RIC3: variants seen among roughly 807,000 people sequenced by gnomAD.
RIC3 encodes RIC3 acetylcholine receptor chaperone.
A neutral mutation model predicts 27.3 loss-of-function variants in RIC3; 28 were observed. The observed-to-expected ratio is 1.02, with a 90% CI of 0.76 to 1.41. The LOEUF (loss-of-function observed/expected upper bound fraction) is 1.41, where lower values mean the gene tolerates loss of function less well. Ranked by LOEUF, RIC3 falls within the 40% of genes most tolerant of loss-of-function variation. The pLI, the probability that RIC3 is intolerant of heterozygous loss-of-function variation, is 0.00. For missense variants in RIC3, 501 were observed against 444.7 expected, an observed-to-expected ratio of 1.13 and a Z score of -1.14; for synonymous variants, 184 against 160.4, an observed-to-expected ratio of 1.15 and a Z score of -1.11.
chr11:8,128,750 CTTTTTTTTT>C (rs1177448703), intron 4 of RIC3, among the ~76,000 whole-genome samples: 8 of 88,502 alleles, frequency 9.0e-5, no homozygotes, highest in Non-Finnish European at 2.1e-5. Context: ...GTTGCAAAAA[CTTTTTTTTT>C]TTTTTTTTTT....
At chr11:8,095,277 T>C in the RIC3 span, among the ~76,000 whole-genome samples, 1 of 152,160 alleles carries the variant, frequency 6.6e-6, no homozygotes. Flanking sequence ...CCTCGGCAAT[T>C]AATTTGGGGG....
At chr11:8,124,654 G>A (rs569964378) in intron 5 of RIC3, among the ~76,000 whole-genome samples, 45 of 152,266 alleles carry the variant, frequency 3.0e-4, no homozygotes, top group Non-Finnish European at 4.3e-4. Context: ...AATAAGGACC[G>A]TGTGCTATTG....
At position 8,110,868 on chromosome 11, in the gene RIC3, C is replaced by T. The variant is rs771105642; in HGVS notation, c.940G>A (p.Ala314Thr). The T allele has an allele frequency of 2.5e-6, 4 of 1,614,222 alleles. No individual in the cohort carries two copies. Among genetic ancestry groups the T allele is most frequent in the Non-Finnish European group, 3.4e-6 (4 of 1,180,042 alleles). Reference protein sequence around the residue: ...SCCFHEDEDPAVLAENAGFSA... With the variant: ...SCCFHEDEDPTVLAENAGFSA... ...AATCCAGCATTCTCTGCCAAGACAG[C>T]AGGATCCTCGTCTTCATGAAAACAG... The change falls in exon 6 of 6, where the codon GCT becomes ACT. Residue 314 changes from alanine (A) to threonine (T), a missense_variant. Coordinates refer to ENST00000309737, the MANE Select transcript of RIC3 (RefSeq NM_001206671.4).
In RIC3 at chr11:8,140,049, C is replaced by T. The variant is rs755501731; in HGVS notation, c.269G>A (p.Gly90Asp). The change falls in exon 2 of 6, where the codon GGT becomes GAT. Residue 90 changes from glycine (G) to aspartate (D), a missense_variant. By Grantham distance (94) the Gly-to-Asp change is moderately conservative. Coordinates refer to ENST00000309737, the MANE Select transcript of RIC3 (RefSeq NM_001206671.4). ...KGSGGGAGGG[G>D]SGRGLMGQII... ...CTGCCCCATCAGACCTCTTCCACTA[C>T]CTCCTCCTCCAGCACCTCCACCTGA... 16 of 1,614,098 alleles carry T rather than the reference C, an allele frequency of 9.9e-6. 1 individual carries two copies. In the Middle Eastern group the frequency reaches 2.5e-3, roughly 250 times the overall value.
At chr11:8,153,020 T>C (rs754807556) in intron 1 of RIC3, among the ~76,000 whole-genome samples, 1 of 152,176 alleles carries the variant, frequency 6.6e-6, no homozygotes, top group Non-Finnish European at 1.5e-5. Context: ...AAGAAACCTA[T>C]GTTAGAACTG....
rs199944836 is a variant in RIC3, at chr11:8,138,254, C to G, written c.427+18G>C. On this transcript the variant is annotated intron_variant, in intron 3 of 5. Coordinates refer to ENST00000309737, the MANE Select transcript of RIC3 (RefSeq NM_001206671.4). ...TGACTCAATAATACCTGTGAATATA[C>G]TGAGAAGGGGCACTTACTAATTTTC... is the stretch of plus-strand genomic sequence containing the variant. The G allele has an allele frequency of 7.0e-6, 11 of 1,565,956 alleles. No homozygotes were observed. Among genetic ancestry groups the G allele is most frequent in the Middle Eastern group, 1.7e-4 (1 of 5,974 alleles).
chr11:8,156,116 G>A (rs149619046), intron 1 of RIC3, among the ~76,000 whole-genome samples: 2 of 149,176 alleles, frequency 1.3e-5, no homozygotes, highest in Admixed American at 1.4e-4. Flanking sequence ...CTTAGCACAG[G>A]GCCCGATCCA....
At chr11:8,148,574 G>A (rs12098876) in intron 1 of RIC3, among the ~76,000 whole-genome samples, 17,890 of 152,112 alleles carry the variant, frequency 0.12, 1,443 homozygotes, top group African/African-American at 0.23. Flanking sequence ...GGTAATTACA[G>A]AAAAGCATTA....
the RIC3 span, chr11:8,095,436 T>G: frequency 6.5e-7 from 1 of 1,531,114 alleles, no homozygotes. Flanking sequence ...CATGGACGTC[T>G]GAGAATCCAG....
rs187318040 is a variant in RIC3 at position 8,154,185 on chromosome 11, T to C, written c.125-13992A>G. 6.4e-3 allele frequency among the ~76,000 whole-genome samples: 973 copies of C among 152,308 alleles called. 22 individuals carry two copies. Among genetic ancestry groups the C allele is most frequent in the Admixed American group, 0.051 (781 of 15,292 alleles). On this transcript the variant is annotated intron_variant, in intron 1 of 5. Coordinates refer to ENST00000309737, the MANE Select transcript of RIC3 (RefSeq NM_001206671.4). ...ACTTTATGAACATTTGTATATCCAC[T>C]GCCCAAATATAACTGAAGTCCCTTG...
Position 8,110,951 on chromosome 11 carries a change from C to G in RIC3, c.857G>C (p.Arg286Thr), listed in dbSNP as rs941486821. ...GGTAACAGAATTATCTTCCTGGGCT[C>G]TGGGGTCAGTGGGCAGACTTTCCCA... ...LGWESLPTDPRAQEDNSVTSC... is the reference protein window; with the variant it reads ...LGWESLPTDPTAQEDNSVTSC... The change falls in exon 6 of 6, where the codon AGA (arginine) becomes ACA (threonine). Residue 286 changes from arginine (R) to threonine (T), a missense_variant. Physicochemically the swap from Arg to Thr is moderately conservative, Grantham distance 71 (BLOSUM62 -1). Coordinates refer to ENST00000309737, the MANE Select transcript of RIC3 (RefSeq NM_001206671.4). The G allele has an allele frequency of 2.5e-6, 4 of 1,614,056 alleles. No homozygotes were observed. Among genetic ancestry groups the G allele is most frequent in the Admixed American group, 1.7e-5 (1 of 60,012 alleles).
chr11:8,100,803 C>T, the RIC3 span: 50 of 1,612,082 alleles, frequency 3.1e-5, no homozygotes, highest in African/African-American at 6.7e-5. Flanking sequence ...CTGGGCCTGG[C>T]TCAGGTGAGG....
At chr11:8,093,637 C>A in the RIC3 span, among the ~76,000 whole-genome samples, 5 of 152,320 alleles carry the variant, frequency 3.3e-5, no homozygotes, top group East Asian at 9.7e-4. Flanking sequence ...GGAGTGCTTG[C>A]CCTGGTTGTG....
At chr11:8,135,853 T>C (rs543559247) in intron 4 of RIC3, 2 of 152,246 alleles carry the variant, frequency 1.3e-5, no homozygotes, top group East Asian at 3.9e-4. Context: ...AGCTACAGGG[T>C]TAGGGCAGAA....
intron 4 of RIC3, among the ~76,000 whole-genome samples, chr11:8,132,202 G>C (rs1472503612): frequency 6.6e-6 from 1 of 152,176 alleles, no homozygotes; most frequent in Non-Finnish European, 1.5e-5. Context: ...AATACAGCCT[G>C]TGATTTTTTT....
At chr11:8,100,441 C>A in the RIC3 span, 95 of 1,330,170 alleles carry the variant, frequency 7.1e-5, 1 homozygote, top group Non-Finnish European at 9.5e-5. Context: ...TCCCGTCCCC[C>A]CCACCTTCTC....
At chr11:8,098,995 G>A in the RIC3 span, 4 of 772,948 alleles carry the variant, frequency 5.2e-6, no homozygotes, top group Non-Finnish European at 9.0e-6. Context: ...GTGGAGAGGG[G>A]CTGTCCTCTG....
chr11:8,103,882 A>G (rs1309718250), downstream of RIC3: 1 of 152,268 alleles, frequency 6.6e-6, no homozygotes, highest in East Asian at 1.9e-4. Context: ...CACAAAGGAA[A>G]ACTCTTGGCC....
downstream of RIC3, chr11:8,104,813 T>G (rs1288990032): frequency 3.3e-5 from 5 of 152,158 alleles, no homozygotes; most frequent in Non-Finnish European, 7.3e-5. Flanking sequence ...TGTCCAGATC[T>G]ATGGCGAACA....
Sources: allele counts gnomAD v4.1 joint callset (sites outside exome capture counted in the v4.1 genomes callset), GRCh38; gene constraint gnomAD v4.1.1; transcripts MANE v1.5; gene names NCBI Gene and HGNC (gene_info 2026-07-23, HGNC 2026-07-21).